Variants in GRAMD2B observed in about 807,000 individuals in gnomAD.
GRAMD2B encodes the protein GRAM domain containing 2B.
Under a neutral mutation model 59.2 loss-of-function variants are expected in GRAMD2B, and 41 were observed. The observed-to-expected ratio is 0.69, with a 90% CI of 0.54 to 0.90. The LOEUF is 0.90. GRAMD2B is among the 40% of genes least tolerant of loss of function. The probability of loss-of-function intolerance (pLI) is 0.00; values close to 1 mark genes in which losing one functional copy is unlikely to be tolerated. For synonymous variants in GRAMD2B, 161 were observed against 182.7 expected, an observed-to-expected ratio of 0.88 and a Z score of 0.96; for missense variants, 424 against 500.5, an observed-to-expected ratio of 0.85 and a Z score of 1.46.
rs1461987168 is a variant in GRAMD2B, at chr5:126,469,711, A to G, written c.238A>G (p.Ser80Gly). The stretch of plus-strand genomic sequence containing the variant: ...CAGTTTTGATGGTGCCTCTTTAGCA[A>G]GTGATAAGAACGACTGTAAAACAGA... ...KSSFDGASLA[S>G]DKNDCKTESK... The change falls in exon 3 of 14, where the codon AGT (serine) becomes GGT (glycine). Residue 80 changes from serine to glycine, a missense_variant. By Grantham distance (56) the Ser-to-Gly change is moderately conservative. Transcript: ENST00000285689. 7 of 1,575,988 alleles carry G rather than the reference A, an allele frequency of 4.4e-6. No homozygotes were observed. In the South Asian group the frequency reaches 6.6e-5, roughly 15 times the overall value.
intron 1 of GRAMD2B, among the ~76,000 whole-genome samples, chr5:126,455,403 T>G (rs13182612): frequency 0.31 from 46,910 of 152,050 alleles, 7,728 homozygotes; most frequent in East Asian, 0.59. Flanking sequence ...TAATTTCTGC[T>G]TCTTCCTGCT....
Position 126,423,467 on chromosome 5 carries a change from C to A in GRAMD2B, c.-140C>A. ...GCCCCGGGAGCTTGGCGCGGCCCGG[C>A]CTGGATGCGCTGGGCGGAGGGTGCA... is the stretch of plus-strand genomic sequence containing the variant. On this transcript the variant is annotated 5_prime_UTR_variant, in exon 1 of 14. Coordinates refer to ENST00000285689, the MANE Select transcript of GRAMD2B (RefSeq NM_023927.4). The A allele has an allele frequency of 6.9e-7, 1 of 1,442,636 alleles. No individual in the cohort carries two copies. The highest frequency in any genetic ancestry group is 1.5e-5 in the South Asian group (1 of 67,166). The allele number at this position is 1,442,636 out of a possible 1,614,324, so 89.4% of individuals were successfully genotyped here. A position where few individuals can be genotyped will look rare whatever the true frequency, so the allele number is the denominator to read the frequency against.
rs1755014454 is a variant in GRAMD2B, at chr5:126,374,392, TC to T, written c.125+2828del. 2.0e-5 allele frequency among the ~76,000 whole-genome samples: 3 copies of T among 152,338 alleles called. No homozygotes were observed. The South Asian group carries it at 6.2e-4, about 32-fold the overall frequency. ...TAAAATGCCTACTTATGAATTTATA[TC>T]CCTTTTGGAGGAAAGAGGTCACTAT... On this transcript the variant is annotated intron_variant, in intron 1 of 8. Coordinates refer to the GRAMD2B transcript ENST00000506445.
chr5:126,400,673 TG>T (rs760473430), intron 1 of GRAMD2B, among the ~76,000 whole-genome samples: 3 of 152,182 alleles, frequency 2.0e-5, no homozygotes, highest in Admixed American at 6.6e-5. Context: ...TTTGTTTGTC[TG>T]GGAAAGTCTG....
At position 126,441,921 on chromosome 5, in the gene GRAMD2B, C is replaced by T. The variant is rs144267379; in HGVS notation, c.83+18232C>T. Among the ~76,000 whole-genome samples, 179 of 152,078 alleles carry T rather than the reference C, an allele frequency of 1.2e-3. 1 individual carries two copies. Among genetic ancestry groups the T allele is most frequent in the African/African-American group, 3.9e-3 (160 of 41,476 alleles). The stretch of plus-strand genomic sequence containing the variant: ...ATCTGCTGAAATCTCTGTTTCCTCG[C>T]GTTAAAAATTTTCAAATCAAATCAA... On this transcript the variant is annotated intron_variant, in intron 1 of 13. Coordinates refer to ENST00000285689, the MANE Select transcript of GRAMD2B (RefSeq NM_023927.4).
chr5:126,487,330 A>G (rs772071985), intron 12 of GRAMD2B, among the ~76,000 whole-genome samples: 15 of 152,210 alleles, frequency 9.9e-5, no homozygotes, highest in Non-Finnish European at 1.8e-4. Context: ...CAGAGAAAGA[A>G]GCAATTCAAG....
chr5:126,421,429 G>C (rs1421312170), upstream of GRAMD2B, among the ~76,000 whole-genome samples: 1 of 152,074 alleles, frequency 6.6e-6, no homozygotes, highest in African/African-American at 2.4e-5. Context: ...GGATCTAGAG[G>C]TGAAGGCATC....
At chr5:126,435,925 C>A (rs989375915) in intron 1 of GRAMD2B, among the ~76,000 whole-genome samples, 13 of 152,204 alleles carry the variant, frequency 8.5e-5, no homozygotes, top group Non-Finnish European at 1.6e-4. Flanking sequence ...TACATATGAG[C>A]ATTCACATTG....
chr5:126,408,701 T>TTG (rs1758482865), intron 1 of GRAMD2B, among the ~76,000 whole-genome samples: 1 of 151,004 alleles, frequency 6.6e-6, no homozygotes, highest in African/African-American at 2.4e-5. Flanking sequence ...TTTTTTTTTT[T>TTG]GTTATACTTT....
intron 5 of GRAMD2B, 95 bp downstream of exon 5, chr5:126,473,463 G>C (rs2126844381): frequency 2.3e-6 from 1 of 435,044 alleles, no homozygotes; most frequent in Non-Finnish European, 4.1e-6. Context: ...GTAGATATTT[G>C]TATCATGGTT....
chr5:126,370,980 C>T (rs1005301403), upstream of GRAMD2B, among the ~76,000 whole-genome samples: 2 of 152,204 alleles, frequency 1.3e-5, no homozygotes, highest in Non-Finnish European at 2.9e-5. Flanking sequence ...GTGTGCTGGT[C>T]ATTTCCTGCG....
At chr5:126,429,813 T>G (rs1417697590) in intron 1 of GRAMD2B, among the ~76,000 whole-genome samples, 1 of 152,232 alleles carries the variant, frequency 6.6e-6, no homozygotes, top group East Asian at 1.9e-4. Context: ...CCAGGTGTGT[T>G]GGTTTTTACT....
At chr5:126,368,981 A>G (rs1340129967), upstream of GRAMD2B, among the ~76,000 whole-genome samples, 1 of 152,150 alleles carries the variant, frequency 6.6e-6, no homozygotes, top group African/African-American at 2.4e-5. Flanking sequence ...TACCTACAGG[A>G]TAAAGCTTGA....
At chr5:126,395,885 T>C (rs1324806738) in intron 1 of GRAMD2B, among the ~76,000 whole-genome samples, 1 of 152,218 alleles carries the variant, frequency 6.6e-6, no homozygotes, top group Non-Finnish European at 1.5e-5. Flanking sequence ...ACACATACAT[T>C]GTGAAATGAT....
chr5:126,477,564 G>A, intron 5 of GRAMD2B, 128 bp from the exon 6 acceptor site: 1 of 691,202 alleles, frequency 1.4e-6, no homozygotes. Flanking sequence ...TTTTTTCATG[G>A]AGGCTGGAGA....
At chr5:126,366,846 C>CTTTTTTTTTTTTTTTTTTTT (rs59718576), upstream of GRAMD2B, among the ~76,000 whole-genome samples, 4 of 107,684 alleles carry the variant, frequency 3.7e-5, no homozygotes, top group Non-Finnish European at 5.4e-5. Context: ...CAGACCAAGG[C>CTTTTTTTTTTTTTTTTTTTT]TTTTTTTTTT....
At chr5:126,415,944 T>C (rs1759232779) in intron 1 of GRAMD2B, among the ~76,000 whole-genome samples, 3 of 152,212 alleles carry the variant, frequency 2.0e-5, no homozygotes, top group Admixed American at 2.0e-4. Context: ...TTCAAAATGA[T>C]CTGTCAGTTG....
intron 1 of GRAMD2B, among the ~76,000 whole-genome samples, chr5:126,374,008 C>G (rs1754979240): frequency 6.6e-6 from 1 of 152,192 alleles, no homozygotes; most frequent in Non-Finnish European, 1.5e-5. Context: ...CTCTGGCCTA[C>G]TTGTGGTTGA....
At position 126,469,696 on chromosome 5, in the gene GRAMD2B, G is replaced by A; in HGVS notation, c.223G>A (p.Gly75Ser). The change falls in exon 3 of 14, where the codon GGT becomes AGT. Residue 75 changes from glycine (G) to serine (S), a missense_variant. Coordinates refer to ENST00000285689, the MANE Select transcript of GRAMD2B (RefSeq NM_023927.4). ...ISLWSKSSFD[G>S]ASLASDKNDC... ...CTTTAGGTCAAAATCCAGTTTTGATGGTGCCTCTTTAGCAAGTGATAAGAA... is the reference window on the plus strand; with the variant it reads ...CTTTAGGTCAAAATCCAGTTTTGATAGTGCCTCTTTAGCAAGTGATAAGAA... 1.2e-6 allele frequency: 2 copies of A among 1,613,132 alleles called. No individual in the cohort carries two copies.
Sources: gnomAD v4.1 joint callset for allele counts (sites outside exome capture counted in the v4.1 genomes callset) on GRCh38, gnomAD v4.1.1 for gene constraint, MANE v1.5 for transcripts, NCBI Gene and HGNC (gene_info 2026-07-23, HGNC 2026-07-21) for gene names.